Variants in PDE9A observed in about 807,000 individuals in gnomAD.
The protein encoded by PDE9A is high affinity cGMP-specific 3',5'-cyclic phosphodiesterase 9A.
A neutral mutation model predicts 87.4 loss-of-function variants in PDE9A; 60 were observed. The ratio of observed to expected loss-of-function variants is 0.69; its 90% CI spans 0.56 to 0.85. PDE9A has a LOEUF of 0.85. Among genes scored for constraint, PDE9A ranks in the 40% least tolerant of loss-of-function variants. PDE9A has a pLI of 0.00. For missense variants in PDE9A, 665 were observed against 779.0 expected, an observed-to-expected ratio of 0.85 and a Z score of 1.74; for synonymous variants, 272 against 279.4, an observed-to-expected ratio of 0.97 and a Z score of 0.27.
At chr21:42,712,409 AGTT>A (rs1257286058) in intron 4 of PDE9A, among the ~76,000 whole-genome samples, 1 of 152,162 alleles carries the variant, frequency 6.6e-6, no homozygotes, top group Non-Finnish European at 1.5e-5. Flanking sequence ...GGTTAGTTCT[AGTT>A]GTTGTTTTAT....
intron 19 of PDE9A, 114 bp downstream of exon 19, chr21:42,772,634 G>T: frequency 1.3e-6 from 1 of 752,686 alleles, no homozygotes. Context: ...TAAATGAATG[G>T]AACTTTTTTT....
intron 7 of PDE9A, among the ~76,000 whole-genome samples, chr21:42,738,401 A>C (rs2052704627): frequency 6.6e-6 from 1 of 152,194 alleles, no homozygotes; most frequent in Non-Finnish European, 1.5e-5. Flanking sequence ...CTCTGTAGCC[A>C]AAGGACTGGG....
At chr21:42,673,289 T>C (rs2058662676) in intron 1 of PDE9A, among the ~76,000 whole-genome samples, 1 of 152,056 alleles carries the variant, frequency 6.6e-6, no homozygotes, top group African/African-American at 2.4e-5. Flanking sequence ...GTGTACAACA[T>C]CAACAACTGA....
intron 3 of PDE9A, chr21:42,697,370 C>T (rs1199394538): frequency 8.4e-7 from 1 of 1,188,506 alleles, no homozygotes; most frequent in Non-Finnish European, 1.3e-6. Flanking sequence ...CCATGAACAG[C>T]TTGGTGTGTA....
rs573220707 is a variant in PDE9A at position 42,773,830 on chromosome 21, C to T, written c.1768+1310C>T. Among the ~76,000 whole-genome samples, 508 of 148,518 alleles carry T rather than the reference C, an allele frequency of 3.4e-3. 4 individuals carry two copies. The highest frequency in any genetic ancestry group is 0.011 in the African/African-American group (446 of 39,990). ...AATAAAAATAAATAAATAAGCCGGGCGCAGTGGCTCATGCCTGTAGTCCCA... is the reference window on the plus strand; with the variant it reads ...AATAAAAATAAATAAATAAGCCGGGTGCAGTGGCTCATGCCTGTAGTCCCA... On this transcript the variant is annotated intron_variant, in intron 19 of 19. Coordinates refer to ENST00000291539, the MANE Select transcript of PDE9A (RefSeq NM_002606.3).
chr21:42,725,896 GA>G (rs2050983040), intron 4 of PDE9A, among the ~76,000 whole-genome samples: 1 of 152,084 alleles, frequency 6.6e-6, no homozygotes, highest in Non-Finnish European at 1.5e-5. Flanking sequence ...TCTGTCTTTT[GA>G]AGAACCTACC....
At chr21:42,735,260 C>A (rs1488302489) in intron 7 of PDE9A, among the ~76,000 whole-genome samples, 1 of 152,216 alleles carries the variant, frequency 6.6e-6, no homozygotes, top group Non-Finnish European at 1.5e-5. Context: ...GGAGGCTCCA[C>A]AACCACTTAT....
At chr21:42,746,149 G>A (rs778228181) in intron 8 of PDE9A, among the ~76,000 whole-genome samples, 6 of 152,214 alleles carry the variant, frequency 3.9e-5, no homozygotes, top group East Asian at 3.9e-4. Flanking sequence ...ATGGGCACCC[G>A]CTCTGTAGAA....
At chr21:42,714,309 G>A (rs956173482) in intron 4 of PDE9A, among the ~76,000 whole-genome samples, 6 of 152,124 alleles carry the variant, frequency 3.9e-5, no homozygotes, top group South Asian at 2.1e-4. Flanking sequence ...GAGCCACCAC[G>A]CCCAGCCCCA....
chr21:42,760,909 T>C lies in PDE9A; in HGVS notation c.1085+2T>C. The C allele has an allele frequency of 6.3e-7, 1 of 1,593,926 alleles. No homozygotes were observed. The highest frequency in any genetic ancestry group is 8.6e-7 in the Non-Finnish European group (1 of 1,161,646). ...GGACCATCCCGGCTACAACAACACG[T>C]ATGTACAGGATTTTCTCTTTTTTTC... On this transcript the variant is annotated splice_donor_variant, in intron 13 of 19. Transcript: ENST00000291539. LOFTEE classifies it high-confidence loss of function. The surrounding 1 kb of genome is among the most constrained non-coding windows in gnomAD (Gnocchi z 5.2).
Position 42,723,389 on chromosome 21 carries a change from T to C in PDE9A, c.263-8381T>C, listed in dbSNP as rs2050727394. On this transcript the variant is annotated intron_variant, in intron 4 of 19. Coordinates refer to ENST00000291539, the MANE Select transcript of PDE9A (RefSeq NM_002606.3). This position sits in a 1 kb window ranked among gnomAD's most constrained non-coding sequence, Gnocchi z 4.3. ...ATCAAGTGAGGAGGCCAGCAGGACTTAGCACCCAGGTGAGCACACTTCATT... is the reference window on the plus strand; with the variant it reads ...ATCAAGTGAGGAGGCCAGCAGGACTCAGCACCCAGGTGAGCACACTTCATT... Among the ~76,000 whole-genome samples the C allele has an allele frequency of 6.6e-6, 1 of 152,210 alleles. No individual in the cohort carries two copies. Among genetic ancestry groups the C allele is most frequent in the South Asian group, 2.1e-4 (1 of 4,830 alleles).
chr21:42,697,642 G>C (rs947913508), intron 3 of PDE9A: 19 of 672,962 alleles, frequency 2.8e-5, no homozygotes, highest in Non-Finnish European at 4.8e-5. Context: ...TGTTCCTGGG[G>C]AGGCCTCTCT....
chr21:42,745,031 C>G (rs1486785770), intron 8 of PDE9A, among the ~76,000 whole-genome samples: 1 of 152,208 alleles, frequency 6.6e-6, no homozygotes, highest in Non-Finnish European at 1.5e-5. Context: ...GACTAATGGA[C>G]TGAGAAACAG....
rs969623878 is a variant in PDE9A at position 42,659,371 on chromosome 21, G to A, written c.69+5488G>A. Among the ~76,000 whole-genome samples the A allele has an allele frequency of 1.3e-5, 2 of 152,236 alleles. No homozygotes were observed. Among genetic ancestry groups the A allele is most frequent in the African/African-American group, 4.8e-5 (2 of 41,452 alleles). On this transcript the variant is annotated intron_variant, in intron 1 of 19. Coordinates refer to ENST00000291539, the MANE Select transcript of PDE9A (RefSeq NM_002606.3). The surrounding 1 kb of genome is among the most constrained non-coding windows in gnomAD (Gnocchi z 4.1). ...AATCCAGGAGGGCTGGTCCCATAGAGTGGTGGGGACATGGTGCTGAGACGG... is the reference window on the plus strand; with the variant it reads ...AATCCAGGAGGGCTGGTCCCATAGAATGGTGGGGACATGGTGCTGAGACGG...
At chr21:42,735,346 G>C (rs1011115011) in intron 7 of PDE9A, among the ~76,000 whole-genome samples, 1 of 152,202 alleles carries the variant, frequency 6.6e-6, no homozygotes, top group African/African-American at 2.4e-5. Context: ...CGCACCCAAG[G>C]TCTAGCTGCA....
intron 8 of PDE9A, among the ~76,000 whole-genome samples, chr21:42,750,762 T>A (rs1388214613): frequency 6.6e-6 from 1 of 151,656 alleles, no homozygotes; most frequent in Non-Finnish European, 1.5e-5. Flanking sequence ...TATTATTATT[T>A]TTTTAATAGA....
chr21:42,688,185 G>T (rs995336832), intron 3 of PDE9A, among the ~76,000 whole-genome samples, 191 bp downstream of exon 3: 1 of 152,200 alleles, frequency 6.6e-6, no homozygotes, highest in African/African-American at 2.4e-5. Context: ...AGCTGGGCAC[G>T]TTCCAAGATA....
rs570657861 is a variant in PDE9A at position 42,662,796 on chromosome 21, ACACACACAC to A, written c.69+8923_69+8931del. ...CACACACCACACACACACACCAAGC[ACACACACAC>A]CACACACACGCACACACACGCACAC... On this transcript the variant is annotated intron_variant, in intron 1 of 19. Transcript: ENST00000291539. 3.0e-4 allele frequency among the ~76,000 whole-genome samples: 42 copies of A among 139,648 alleles called. No homozygotes were observed. The South Asian group carries it at 4.5e-3, about 15-fold the overall frequency. 91.6% of individuals were successfully genotyped at this position (139,648 alleles called of 152,430 possible). A position where few individuals can be genotyped will look rare whatever the true frequency, so the allele number is the denominator to read the frequency against.
intron 7 of PDE9A, among the ~76,000 whole-genome samples, chr21:42,740,702 TAGTAGATA>T (rs1196639322): frequency 8.8e-6 from 1 of 113,768 alleles, no homozygotes; most frequent in African/African-American, 3.4e-5. Context: ...GGTAGGTAGG[TAGTAGATA>T]GATAGATAGA....
Sources: allele counts gnomAD v4.1 joint callset (sites outside exome capture counted in the v4.1 genomes callset), GRCh38; gene constraint gnomAD v4.1.1; non-coding constraint Gnocchi (gnomAD v3.1); transcripts MANE v1.5; gene names NCBI Gene and HGNC (gene_info 2026-07-23, HGNC 2026-07-21).